PDE10A: variants seen among roughly 807,000 people sequenced by gnomAD.
The protein encoded by PDE10A is phosphodiesterase 10A.
Under a neutral mutation model 97.7 loss-of-function variants are expected in PDE10A, and 39 were observed. The ratio of observed to expected loss-of-function variants is 0.40; its 90% confidence interval spans 0.31 to 0.52. The LOEUF is 0.52. PDE10A is among the 20% of genes least tolerant of loss of function. The probability of loss-of-function intolerance (pLI) is 0.56; values close to 1 mark genes in which losing one functional copy is unlikely to be tolerated. For missense variants in PDE10A, 731 were observed against 1,047.8 expected (o/e 0.70, Z 4.17); for synonymous variants, 371 against 376.8 (o/e 0.98, Z 0.18).
chr6:165,825,213 G>A (rs1322206615), intron 1 of PDE10A, among the ~76,000 whole-genome samples: 1 of 151,668 alleles, frequency 6.6e-6, no homozygotes, highest in Non-Finnish European at 1.5e-5. Flanking sequence ...TTTGGGGTGA[G>A]CTCCCGTTCC....
chr6:165,928,347 G>A (rs533851640), intron 1 of PDE10A, among the ~76,000 whole-genome samples: 15 of 152,262 alleles, frequency 9.9e-5, no homozygotes, highest in African/African-American at 2.9e-4. Context: ...AAGGGGGTTC[G>A]TGAAACCCAC....
chr6:165,932,115 C>G (rs1783155446), intron 1 of PDE10A, among the ~76,000 whole-genome samples: 1 of 152,138 alleles, frequency 6.6e-6, no homozygotes, highest in Non-Finnish European at 1.5e-5. Context: ...ATATACCGCC[C>G]GCTGAAGAGG....
chr6:165,513,353 A>G (rs1351408340), intron 2 of PDE10A, among the ~76,000 whole-genome samples: 1 of 152,124 alleles, frequency 6.6e-6, no homozygotes, highest in Non-Finnish European at 1.5e-5. Context: ...GACCGTGTAC[A>G]GATTTATTTC....
intron 1 of PDE10A, among the ~76,000 whole-genome samples, chr6:165,546,148 G>A (rs1783725502): frequency 6.6e-6 from 1 of 152,118 alleles, no homozygotes; most frequent in Non-Finnish European, 1.5e-5. Context: ...GCTATGAGAA[G>A]AAAAGCCAGT....
chr6:165,932,421 C>T (rs766994226), intron 1 of PDE10A, among the ~76,000 whole-genome samples: 1 of 151,994 alleles, frequency 6.6e-6, no homozygotes, highest in Non-Finnish European at 1.5e-5. Flanking sequence ...CTGCAACCTC[C>T]GCCTCCTGAG....
intron 1 of PDE10A, among the ~76,000 whole-genome samples, chr6:165,767,198 G>A (rs1203571996): frequency 2.6e-5 from 4 of 152,300 alleles, no homozygotes; most frequent in Non-Finnish European, 2.9e-5. Flanking sequence ...CCGAAAAAAA[G>A]TGCTTATTGT....
At chr6:165,624,945 G>A (rs189051887) in intron 1 of PDE10A, among the ~76,000 whole-genome samples, 66 of 152,316 alleles carry the variant, frequency 4.3e-4, no homozygotes, top group African/African-American at 1.5e-3. Context: ...CTGAATGCAG[G>A]AGGGCCTGAG....
chr6:165,640,463 A>T (rs59406637), intron 1 of PDE10A, among the ~76,000 whole-genome samples: 1 of 152,186 alleles, frequency 6.6e-6, no homozygotes, highest in African/African-American at 2.4e-5. Flanking sequence ...AAGCTTACTC[A>T]GGTAACTCCA....
intron 2 of PDE10A, among the ~76,000 whole-genome samples, chr6:165,513,489 A>G (rs1326545322): frequency 6.6e-6 from 1 of 152,098 alleles, no homozygotes; most frequent in Non-Finnish European, 1.5e-5. Context: ...ATTGAACTTC[A>G]TTTTAAAATA....
At chr6:165,426,251 A>G (rs1306816995) in intron 10 of PDE10A, among the ~76,000 whole-genome samples, 1 of 152,084 alleles carries the variant, frequency 6.6e-6, no homozygotes, top group Non-Finnish European at 1.5e-5. Flanking sequence ...AGAATCTTGA[A>G]AAGTTAGGGA....
intron 16 of PDE10A, among the ~76,000 whole-genome samples, chr6:165,392,309 C>T (rs898312088): frequency 2.6e-5 from 4 of 152,144 alleles, no homozygotes; most frequent in African/African-American, 9.7e-5. Flanking sequence ...AGGCAGGATA[C>T]GTCTACATTA....
At chr6:165,577,756 G>A (rs1785391218) in intron 1 of PDE10A, among the ~76,000 whole-genome samples, 1 of 152,142 alleles carries the variant, frequency 6.6e-6, no homozygotes, top group African/African-American at 2.4e-5. Context: ...CACATGACGG[G>A]TGGGCACAGG....
intron 1 of PDE10A, among the ~76,000 whole-genome samples, chr6:165,708,415 T>A (rs1791775245): frequency 6.6e-6 from 1 of 151,972 alleles, no homozygotes; most frequent in South Asian, 2.1e-4. Flanking sequence ...AGGACCCACA[T>A]TTGCATCTTC....
chr6:165,379,101 A>G (rs1562400535), intron 18 of PDE10A, 93 bp downstream of exon 18: 1 of 833,644 alleles, frequency 1.2e-6, no homozygotes, highest in East Asian at 2.7e-5. Context: ...TCCTTCTTTC[A>G]AATATAAGCT....
intron 2 of PDE10A, among the ~76,000 whole-genome samples, chr6:165,535,562 T>C (rs973028621): frequency 3.3e-5 from 5 of 151,810 alleles, no homozygotes; most frequent in African/African-American, 4.8e-5. Context: ...TTTCATTATT[T>C]TCCATGGCTG....
intron 2 of PDE10A, among the ~76,000 whole-genome samples, chr6:165,534,658 T>A (rs1416708961): frequency 6.6e-6 from 1 of 152,076 alleles, no homozygotes; most frequent in African/African-American, 2.4e-5. Flanking sequence ...TGCAAATCAA[T>A]AAATATGATA....
At chr6:165,450,925 G>A (rs1791245109) in intron 3 of PDE10A, among the ~76,000 whole-genome samples, 1 of 152,058 alleles carries the variant, frequency 6.6e-6, no homozygotes, top group African/African-American at 2.4e-5. Context: ...TAAAATAGTA[G>A]GTGTTACAAA....
intron 1 of PDE10A, among the ~76,000 whole-genome samples, chr6:165,714,883 G>A (rs1791987502): frequency 6.6e-6 from 1 of 152,182 alleles, no homozygotes; most frequent in Non-Finnish European, 1.5e-5. Context: ...ATGGTCTGAG[G>A]CTCCACCACT....
chr6:165,594,220 G>A (rs1047351077), intron 1 of PDE10A, among the ~76,000 whole-genome samples: 1 of 152,172 alleles, frequency 6.6e-6, no homozygotes, highest in South Asian at 2.1e-4. Context: ...CCTTGGAGAA[G>A]TGGCTGATTC....
Sources: allele counts gnomAD v4.1 joint callset (sites outside exome capture counted in the v4.1 genomes callset), GRCh38; gene constraint gnomAD v4.1.1; transcripts MANE v1.5; gene names NCBI Gene and HGNC (gene_info 2026-07-23, HGNC 2026-07-21).